The following TTN variants were observed in gnomAD, a reference collection of about 807,000 sequenced individuals.
The protein encoded by TTN is connectin.
TTN carries 1,525 observed loss-of-function variants against 3,223.0 expected under a neutral mutation model. The ratio of observed to expected loss-of-function variants is 0.47; its 90% confidence interval spans 0.45 to 0.49. The LOEUF is 0.49. Among genes scored for constraint, TTN ranks in the 20% least tolerant of loss-of-function variants. The pLI is 0.00. For missense variants in TTN, 40,786 were observed against 43,424.0 expected (o/e 0.94, Z 5.40); for synonymous variants, 14,094 against 15,161.0 (o/e 0.93, Z 5.17).
rs749887998 is a variant in TTN, at chr2:178,598,525, CCTT to C, written c.57089_57091del (p.Glu19030del). 56 of 1,605,820 alleles carry C rather than the reference CCTT, an allele frequency of 3.5e-5. No individual in the cohort carries two copies. The highest frequency in any genetic ancestry group is 4.3e-5 in the Non-Finnish European group (51 of 1,177,968). ...TCCTACCTTTTCCCATTCTTCTTTT[CCTT>C]CTTCTTTATATTCAACGATGTATCC... On this transcript the variant is annotated inframe_deletion, in exon 292 of 363. Coordinates refer to ENST00000589042, the MANE Select transcript of TTN (RefSeq NM_001267550.2).
chr2:178,776,150 T>C lies in TTN; in HGVS notation c.5714A>G (p.Tyr1905Cys), dbSNP rs1265838947. The C allele has an allele frequency of 6.2e-7, 1 of 1,614,176 alleles. No individual in the cohort carries two copies. ...HYLDIVDCKS[Y>C]DTGEVKVTAE... is the part of the protein sequence containing the mutation. ...GGTGACCTTCACTTCACCTGTGTCA[T>C]ATGATTTGCAGTCCACGATGTCCAG... Residue 1905 changes from tyrosine to cysteine, a missense_variant, in exon 28 of 363, where the codon TAT becomes TGT. By Grantham distance (194) the Tyr-to-Cys change is radical. Transcript: ENST00000589042.
At position 178,594,013 on chromosome 2, in the gene TTN, A is replaced by G; in HGVS notation, c.58380T>C (p.Val19460=). 1.2e-6 allele frequency: 2 copies of G among 1,613,612 alleles called. No individual in the cohort carries two copies. Among genetic ancestry groups the G allele is most frequent in the Admixed American group, 3.3e-5 (2 of 59,980 alleles). Reference sequence around the variant, plus strand: ...TCCTAGAGCCTGTACTGTTCTCCACAACCACACAGTATTTGCCGGAATCTG... The same window carrying G: ...TCCTAGAGCCTGTACTGTTCTCCACGACCACACAGTATTTGCCGGAATCTG... The part of the protein sequence containing the change: ...KRSDSGKYCV[V]VENSTGSRKG... The change falls in exon 297 of 363, where the codon GTT becomes GTC. Residue 19460 remains valine (V), a synonymous_variant. Coordinates refer to ENST00000589042, the MANE Select transcript of TTN (RefSeq NM_001267550.2).
chr2:178,764,558 A>G lies in TTN; in HGVS notation c.9957T>C (p.Val3319=). ...CTGAGAGTGAAGCTGATGTTGTGGC[A>G]ACACCATAGTCATTCTTGGCTTCAC... ...YTCEAKNDYG[V]ATTSASLSVE... The change falls in exon 42 of 363, where the codon GTT becomes GTC. Residue 3319 remains valine (V), a synonymous_variant. Coordinates refer to ENST00000589042, the MANE Select transcript of TTN (RefSeq NM_001267550.2). The G allele has an allele frequency of 6.2e-7, 1 of 1,614,132 alleles. No individual in the cohort carries two copies. The highest frequency in any genetic ancestry group is 8.5e-7 in the Non-Finnish European group (1 of 1,180,012).
rs536554790 is a variant in TTN, at chr2:178,608,757, C to G, written c.52254G>C (p.Trp17418Cys). 3 of 1,612,620 alleles carry G rather than the reference C, an allele frequency of 1.9e-6. No individual in the cohort carries two copies. The East Asian group carries it at 6.7e-5, about 36-fold the overall frequency. ...KKDKTKPDSE[W>C]IVVTSTLRHC... ...GTCTAAGTGTTGAAGTGACAACAATCCATTCTGAGTCGGGTTTTGTCTTGT... is the reference window on the plus strand; with the variant it reads ...GTCTAAGTGTTGAAGTGACAACAATGCATTCTGAGTCGGGTTTTGTCTTGT... The change falls in exon 274 of 363, where the codon TGG becomes TGC. Residue 17418 changes from tryptophan to cysteine, a missense_variant. Physicochemically the swap from Trp to Cys is radical, Grantham distance 215. Transcript: ENST00000589042.
chr2:178,563,565 T>TA lies in TTN; in HGVS notation c.82566_82567insT (p.Thr27523TyrfsTer19). 6.2e-7 allele frequency: 1 copy of TA among 1,613,804 alleles called. No individual in the cohort carries two copies. Among genetic ancestry groups the TA allele is most frequent in the Non-Finnish European group, 8.5e-7 (1 of 1,179,764 alleles). ...ACCCTGAGCCGCAGATCCGTTAATG[T>TA]TTTCTTGTTGCACTTGGTCCATCTA... is the stretch of plus-strand genomic sequence containing the variant. On this transcript the variant is annotated frameshift_variant, in exon 326 of 363. Coordinates refer to ENST00000589042, the MANE Select transcript of TTN (RefSeq NM_001267550.2). LOFTEE classifies it high-confidence loss of function. This position sits in a 1 kb window ranked among gnomAD's most constrained non-coding sequence, Gnocchi z 4.5.
intron 43 of TTN, among the ~76,000 whole-genome samples, chr2:178,761,525 G>A (rs2089196100): frequency 6.6e-6 from 1 of 152,184 alleles, no homozygotes; most frequent in South Asian, 2.1e-4. Context: ...ACTTGGAGAT[G>A]TTGTTTTCTC....
intron 114 of TTN, 29 bp from the exon 115 acceptor site, chr2:178,695,439 G>T: frequency 6.3e-7 from 1 of 1,586,176 alleles, no homozygotes; most frequent in Non-Finnish European, 8.7e-7. Flanking sequence ...AATAAGAAGG[G>T]ATGCTTAAAT....
intron 43 of TTN, 44 bp from the exon 44 acceptor site, chr2:178,759,216 TG>T: frequency 6.3e-7 from 1 of 1,599,832 alleles, no homozygotes; most frequent in Non-Finnish European, 8.6e-7. Flanking sequence ...CAAAAATGAG[TG>T]GATTTTTACA....
In TTN at chr2:178,608,387, C is replaced by T. The variant is rs1293305339; in HGVS notation, c.52496G>A (p.Ser17499Asn). The part of the protein sequence containing the change: ...VKWNEPKDNG[S>N]PILGYWLEKR... ...TTCAAGCCAGTAACCCAAAATGGGG[C>T]TTCCATTATCTTTTGGTTCATTCCA... The change falls in exon 275 of 363, where the codon AGC becomes AAC. Residue 17499 changes from serine (S) to asparagine (N), a missense_variant. Transcript: ENST00000589042. 6.2e-7 allele frequency: 1 copy of T among 1,610,754 alleles called. No homozygotes were observed. The highest frequency in any genetic ancestry group is 8.5e-7 in the Non-Finnish European group (1 of 1,178,402).
Position 178,548,720 on chromosome 2 carries a change from C to G in TTN, c.92906G>C (p.Arg30969Pro). 6.2e-7 allele frequency: 1 copy of G among 1,613,750 alleles called. No homozygotes were observed. Among genetic ancestry groups the G allele is most frequent in the Non-Finnish European group, 8.5e-7 (1 of 1,179,796 alleles). Residue 30969 changes from arginine to proline, a missense_variant, in exon 339 of 363, where the codon CGG becomes CCG. Transcript: ENST00000589042. This position sits in a 1 kb window ranked among gnomAD's most constrained non-coding sequence, Gnocchi z 4.3. The part of the protein sequence containing the change: ...WSKPDSNLSL[R>P]ADIHTTDSFS... ...GGAATCTGTTGTATGGATATCAGCC[C>G]GAAGGCTAAGGTTAGAGTCTGGTTT...
At position 178,588,962 on chromosome 2, in the gene TTN, A is replaced by G; in HGVS notation, c.62763T>C (p.Pro20921=). ...WSTYSATVLT[P]GTTVTRLIEG... ...CTATGAGACGTGTTACTGTAGTACC[A>G]GGTGTCAAGACAGTAGCAGAATAGG... Residue 20921 remains proline, a synonymous_variant, in exon 304 of 363, where the codon CCT becomes CCC. Transcript: ENST00000589042. 1 of 1,612,572 alleles carries G rather than the reference A, an allele frequency of 6.2e-7. No homozygotes were observed. The highest frequency in any genetic ancestry group is 2.2e-5 in the East Asian group (1 of 44,568).
chr2:178,720,483 T>G lies in TTN; in HGVS notation c.23279A>C (p.His7760Pro), dbSNP rs1577994546. The G allele has an allele frequency of 6.2e-7, 1 of 1,613,608 alleles. No individual in the cohort carries two copies. The highest frequency in any genetic ancestry group is 1.3e-5 in the African/African-American group (1 of 74,916). The change falls in exon 80 of 363, where the codon CAT becomes CCT. Residue 7760 changes from histidine (H) to proline (P), a missense_variant. Coordinates refer to ENST00000589042, the MANE Select transcript of TTN (RefSeq NM_001267550.2). Reference protein sequence around the residue: ...ITSKHFDTSLHILNLEASDVG... With the variant: ...ITSKHFDTSLPILNLEASDVG... ...ATCGGAGGCTTCAAGATTAAGGATATGAAGACTTGTATCAAAATGTTTTGA... is the reference window on the plus strand; with the variant it reads ...ATCGGAGGCTTCAAGATTAAGGATAGGAAGACTTGTATCAAAATGTTTTGA...
At chr2:178,635,807 C>T (rs1226457831) in intron 226 of TTN, 92 bp from the exon 227 acceptor site, 29 of 1,519,368 alleles carry the variant, frequency 1.9e-5, no homozygotes, top group African/African-American at 2.8e-5. Flanking sequence ...GGAAAAATTT[C>T]ACAATACTGG....
chr2:178,623,714 G>A (rs1432430213), intron 242 of TTN, among the ~76,000 whole-genome samples: 1 of 151,796 alleles, frequency 6.6e-6, no homozygotes, highest in Non-Finnish European at 1.5e-5. Flanking sequence ...GTTGACAGAT[G>A]GGAAGCAACC....
chr2:178,771,302 T>G lies in TTN; in HGVS notation c.8025A>C (p.Arg2675Ser). Residue 2675 changes from arginine to serine, a missense_variant, in exon 34 of 363, where the codon AGA (arginine) becomes AGC (serine). Coordinates refer to ENST00000589042, the MANE Select transcript of TTN (RefSeq NM_001267550.2). ...CTAATTTGGTGGCAGCAATGATAAG[T>G]CTCCTTTTGTGGCCATCAGACTCAC... ...IRSESDGHKRRLIIAATKLDD... is the reference protein window; with the variant it reads ...IRSESDGHKRSLIIAATKLDD... The G allele has an allele frequency of 6.2e-7, 1 of 1,614,072 alleles. No homozygotes were observed. The highest frequency in any genetic ancestry group is 8.5e-7 in the Non-Finnish European group (1 of 1,180,018).
chr2:178,669,172 A>G (rs2066514705), intron 159 of TTN, among the ~76,000 whole-genome samples: 2 of 152,172 alleles, frequency 1.3e-5, no homozygotes, highest in Admixed American at 1.3e-4. Flanking sequence ...TGATAAGTAG[A>G]GTATTTCTTT....
Position 178,536,327 on chromosome 2 carries a change from C to G in TTN, c.100420G>C (p.Gly33474Arg), listed in dbSNP as rs1221430009. The G allele has an allele frequency of 6.2e-7, 1 of 1,613,554 alleles. No individual in the cohort carries two copies. Among genetic ancestry groups the G allele is most frequent in the Admixed American group, 1.7e-5 (1 of 59,970 alleles). Residue 33474 changes from glycine (G) to arginine (R), a missense_variant, in exon 357 of 363, where the codon GGG becomes CGG. By Grantham distance (125) the Gly-to-Arg change is moderately radical (BLOSUM62 -2). Coordinates refer to ENST00000589042, the MANE Select transcript of TTN (RefSeq NM_001267550.2). ...GATATTTCACTCCATTCACTTTCCCCACCTAGATTTTCACATTTCACACGA... is the reference window on the plus strand; with the variant it reads ...GATATTTCACTCCATTCACTTTCCCGACCTAGATTTTCACATTTCACACGA... ...EFRVKCENLG[G>R]ESEWSEISEP...
rs776541491 is a variant in TTN, at chr2:178,537,150, C to G, written c.99959G>C (p.Gly33320Ala). The G allele has an allele frequency of 3.1e-6, 5 of 1,613,620 alleles. No homozygotes were observed. Among genetic ancestry groups the G allele is most frequent in the South Asian group, 2.2e-5 (2 of 91,056 alleles). Reference sequence around the variant, plus strand: ...CACCACATAGTTGGTGATCCAGGAGCCTCCGTCATCTGCGGGTGGTTTCCA... The same window carrying G: ...CACCACATAGTTGGTGATCCAGGAGGCTCCGTCATCTGCGGGTGGTTTCCA... ...ISWKPPADDGGSWITNYVVEK... is the reference protein window; with the variant it reads ...ISWKPPADDGASWITNYVVEK... Residue 33320 changes from glycine (G) to alanine (A), a missense_variant, in exon 356 of 363, where the codon GGC (glycine) becomes GCC (alanine). Coordinates refer to ENST00000589042, the MANE Select transcript of TTN (RefSeq NM_001267550.2).
chr2:178,581,647 G>T lies in TTN; in HGVS notation c.66621C>A (p.Asn22207Lys). ...GGGTTTTCTGTAGATTCTGTGGTAA[G>T]TTGCACCTCACCCAGTTATCGGAGT... ...RADSDNWVRC[N>K]LPQNLQKTRF... is the part of the protein sequence containing the mutation. Residue 22207 changes from asparagine (N) to lysine (K), a missense_variant, in exon 316 of 363, where the codon AAC becomes AAA. Transcript: ENST00000589042. 1 of 1,612,826 alleles carries T rather than the reference G, an allele frequency of 6.2e-7. No homozygotes were observed. The highest frequency in any genetic ancestry group is 8.5e-7 in the Non-Finnish European group (1 of 1,179,290).
Sources: gnomAD v4.1 joint callset for allele counts (sites outside exome capture counted in the v4.1 genomes callset) on GRCh38, gnomAD v4.1.1 for gene constraint, Gnocchi (gnomAD v3.1) non-coding constraint, MANE v1.5 for transcripts, NCBI Gene and HGNC (gene_info 2026-07-23, HGNC 2026-07-21) for gene names.